The following KSR2 variants were observed in gnomAD, a reference collection of about 807,000 sequenced individuals.
The protein encoded by KSR2 is kinase suppressor of ras 2.
KSR2 carries 25 observed loss-of-function variants against 107.8 expected under a neutral mutation model. The observed-to-expected ratio is 0.23, with a 90% confidence interval of 0.17 to 0.32. The LOEUF is 0.32. KSR2 is among the 10% of genes least tolerant of loss of function. The pLI, the probability that KSR2 is intolerant of heterozygous loss-of-function variation, is 1.00. For missense variants in KSR2, 887 were observed against 1,268.9 expected, an observed-to-expected ratio of 0.70 and a Z score of 4.57; for synonymous variants, 480 against 507.0, an observed-to-expected ratio of 0.95 and a Z score of 0.71.
intron 4 of KSR2, among the ~76,000 whole-genome samples, chr12:117,756,915 C>A (rs186254864): frequency 9.5e-4 from 145 of 152,104 alleles, no homozygotes; most frequent in African/African-American, 3.3e-3. Flanking sequence ...ATTAGCCAGG[C>A]ATGATGGTGG....
intron 3 of KSR2, among the ~76,000 whole-genome samples, chr12:117,825,493 C>G (rs184230590): frequency 7.4e-4 from 113 of 152,262 alleles, no homozygotes; most frequent in African/African-American, 2.6e-3. Context: ...TTCCCTCTGT[C>G]TTGAGCACTC....
rs1276016248 is a variant in KSR2 at position 117,455,843 on chromosome 12, G to C, written c.*11356C>G. 2 of 152,182 alleles carry C rather than the reference G, an allele frequency of 1.3e-5. No homozygotes were observed. Among genetic ancestry groups the C allele is most frequent in the African/African-American group, 2.4e-5 (1 of 41,442 alleles). 9.4% of individuals were successfully genotyped at this position (152,182 alleles called of 1,614,324 possible). On this transcript the variant is annotated 3_prime_UTR_variant, in exon 20 of 20. Coordinates refer to ENST00000339824, the MANE Select transcript of KSR2 (RefSeq NM_173598.6). ...AAAATAGGGCTATGAGGAAACTAGA[G>C]GACCGGGGCCCAGAAGCAGTGCCTT...
intron 4 of KSR2, among the ~76,000 whole-genome samples, chr12:117,708,894 C>T (rs1160702022): frequency 1.3e-5 from 2 of 152,154 alleles, no homozygotes; most frequent in African/African-American, 4.8e-5. Flanking sequence ...TATTTATGAC[C>T]TTATAGTTCT....
intron 4 of KSR2, among the ~76,000 whole-genome samples, chr12:117,725,910 T>C (rs1033523001): frequency 6.6e-6 from 1 of 152,052 alleles, no homozygotes; most frequent in African/African-American, 2.4e-5. Context: ...CTCATGCCTA[T>C]AATCCCAGCA....
At chr12:117,817,518 T>TA (rs1421680234) in intron 3 of KSR2, among the ~76,000 whole-genome samples, 1 of 152,112 alleles carries the variant, frequency 6.6e-6, no homozygotes, top group African/African-American at 2.4e-5. Flanking sequence ...GGTAACAAGT[T>TA]ACCTTCCCAC....
At chr12:117,797,221 T>C (rs4767623) in intron 3 of KSR2, among the ~76,000 whole-genome samples, 89,645 of 152,080 alleles carry the variant, frequency 0.59, 28,254 homozygotes, top group African/African-American at 0.8. Flanking sequence ...AGCCAAAAGG[T>C]GGAAACAATC....
chr12:117,590,615 A>G (rs1397559316), intron 5 of KSR2, among the ~76,000 whole-genome samples: 1 of 152,208 alleles, frequency 6.6e-6, no homozygotes, highest in Admixed American at 6.5e-5. Flanking sequence ...CAGTTAGAAC[A>G]TGACAAAGCT....
At chr12:117,696,547 G>C (rs1423084463) in intron 4 of KSR2, among the ~76,000 whole-genome samples, 19 of 151,792 alleles carry the variant, frequency 1.3e-4, no homozygotes, top group Non-Finnish European at 2.9e-5. Flanking sequence ...TACAAAGTAG[G>C]GGGGCTTGGG....
At chr12:117,820,401 C>T (rs1027012816) in intron 3 of KSR2, among the ~76,000 whole-genome samples, 1 of 152,192 alleles carries the variant, frequency 6.6e-6, no homozygotes, top group Admixed American at 6.5e-5. Context: ...CTTGAACTTG[C>T]TCCAGTGGGT....
chr12:117,868,895 T>G (rs1000912706), intron 1 of KSR2, among the ~76,000 whole-genome samples: 1 of 151,776 alleles, frequency 6.6e-6, no homozygotes, highest in Non-Finnish European at 1.5e-5. Flanking sequence ...GGACCACAGG[T>G]GCGTGCCACC....
At position 117,958,468 on chromosome 12, in the gene KSR2, C is replaced by T. The variant is rs577288800; in HGVS notation, c.180+9608G>A. Among the ~76,000 whole-genome samples the T allele has an allele frequency of 1.8e-4, 28 of 152,202 alleles. No homozygotes were observed. The East Asian group carries it at 5.2e-3, about 28-fold the overall frequency. ...TTAGCCACAAGGACGTCCACTGTGGCATTGTTATAAAAATGTAAAAGTATG... is the reference window on the plus strand; with the variant it reads ...TTAGCCACAAGGACGTCCACTGTGGTATTGTTATAAAAATGTAAAAGTATG... On this transcript the variant is annotated intron_variant, in intron 1 of 19. Transcript: ENST00000339824.
intron 3 of KSR2, among the ~76,000 whole-genome samples, chr12:117,818,813 C>T (rs1022571067): frequency 1.3e-5 from 2 of 152,070 alleles, no homozygotes; most frequent in African/African-American, 4.8e-5. Context: ...AAAGAGCAGG[C>T]AGGAGATGAA....
rs564478315 is a variant in KSR2, at chr12:117,457,604, G to A, written c.*9595C>T. On this transcript the variant is annotated 3_prime_UTR_variant, in exon 20 of 20. Coordinates refer to ENST00000339824, the MANE Select transcript of KSR2 (RefSeq NM_173598.6). Reference sequence around the variant, plus strand: ...CACCATGCCTGACATGCCACCATATGGGCTTCCAGCCTCTGTGCTCCAAGG... The same window carrying A: ...CACCATGCCTGACATGCCACCATATAGGCTTCCAGCCTCTGTGCTCCAAGG... 6.6e-6 allele frequency: 1 copy of A among 152,184 alleles called. No homozygotes were observed. Among genetic ancestry groups the A allele is most frequent in the Non-Finnish European group, 1.5e-5 (1 of 68,046 alleles). 9.4% of individuals were successfully genotyped at this position (152,184 alleles called of 1,614,324 possible).
At chr12:117,772,332 A>G (rs1889515355) in intron 3 of KSR2, among the ~76,000 whole-genome samples, 1 of 146,602 alleles carries the variant, frequency 6.8e-6, no homozygotes, top group East Asian at 2.1e-4. Context: ...ACACACTCAC[A>G]CATACACACC....
chr12:117,755,566 G>A (rs1888760828), intron 4 of KSR2, among the ~76,000 whole-genome samples: 1 of 152,124 alleles, frequency 6.6e-6, no homozygotes, highest in South Asian at 2.1e-4. Flanking sequence ...CCACTAACAG[G>A]CTATTCCCCA....
intron 7 of KSR2, among the ~76,000 whole-genome samples, chr12:117,564,398 C>A (rs1247058392): frequency 6.6e-6 from 1 of 152,184 alleles, no homozygotes; most frequent in African/African-American, 2.4e-5. Context: ...TAAGTAGTAC[C>A]ACATAGGCAC....
intron 3 of KSR2, among the ~76,000 whole-genome samples, chr12:117,846,164 A>G (rs375422535): frequency 6.6e-6 from 1 of 151,618 alleles, no homozygotes; most frequent in Non-Finnish European, 1.5e-5. Flanking sequence ...CTCTTAATAT[A>G]TCTTATTGGT....
intron 4 of KSR2, among the ~76,000 whole-genome samples, chr12:117,695,846 CG>C (rs1334435099): frequency 6.6e-6 from 1 of 151,960 alleles, no homozygotes; most frequent in Non-Finnish European, 1.5e-5. Context: ...AGAAAGACAC[CG>C]GAAAGGTCGC....
At chr12:117,543,356 A>G (rs1454057424) in intron 9 of KSR2, among the ~76,000 whole-genome samples, 1 of 152,112 alleles carries the variant, frequency 6.6e-6, no homozygotes, top group Non-Finnish European at 1.5e-5. Flanking sequence ...TTTAATTTAC[A>G]TTTCCTAATG....
Sources: gnomAD v4.1 joint callset for allele counts (sites outside exome capture counted in the v4.1 genomes callset) on GRCh38, gnomAD v4.1.1 for gene constraint, MANE v1.5 for transcripts, NCBI Gene and HGNC (gene_info 2026-07-23, HGNC 2026-07-21) for gene names.